The following ARL6IP4 variants were observed in gnomAD, a reference collection of about 807,000 sequenced individuals.
ARL6IP4 encodes ADP-ribosylation factor-like protein 6-interacting protein 4.
ARL6IP4 carries 24 observed loss-of-function variants against 28.1 expected under a neutral mutation model. That is an observed-to-expected ratio of 0.86 (90% CI 0.62 to 1.20). ARL6IP4 has a LOEUF of 1.20. ARL6IP4 is among the 50% of genes most tolerant of loss of function. The pLI, the probability that ARL6IP4 is intolerant of heterozygous loss-of-function variation, is 0.00. For synonymous variants in ARL6IP4, 162 were observed against 122.3 expected (o/e 1.32, Z -2.14); for missense variants, 343 against 302.4 (o/e 1.13, Z -1.00).
chr12:122,981,770 G>A lies in ARL6IP4; in HGVS notation c.360G>A (p.Lys120=). Residue 120 remains lysine, a synonymous_variant, in exon 3 of 6, where the codon AAG becomes AAA. Transcript: ENST00000315580. ...KRRKKKKKRK[K]LKKKGKEKAE... Reference sequence around the variant, plus strand: ...GGAAGAAGAAGAAGAAGAGGAAGAAGCTGAAGAAGAAGGGCAAGGAGAAGG... The same window carrying A: ...GGAAGAAGAAGAAGAAGAGGAAGAAACTGAAGAAGAAGGGCAAGGAGAAGG... 1.3e-6 allele frequency: 2 copies of A among 1,571,040 alleles called. No individual in the cohort carries two copies. Among genetic ancestry groups the A allele is most frequent in the South Asian group, 1.2e-5 (1 of 86,178 alleles).
rs1047062854 is a variant in ARL6IP4 at position 122,982,828 on chromosome 12, G to A, written c.*152G>A. 1.1e-4 allele frequency: 90 copies of A among 792,700 alleles called. 1 individual carries two copies. The Admixed American group carries it at 1.7e-3, about 15-fold the overall frequency. 49.1% of individuals were successfully genotyped at this position (792,700 alleles called of 1,614,324 possible). On this transcript the variant is annotated 3_prime_UTR_variant, in exon 6 of 6. Transcript: ENST00000315580. Reference sequence around the variant, plus strand: ...CAGTCTCTTCTCAGGGGCAGGGGGTGGAGGTTGGGGTCACCGGCCTGCTTG... The same window carrying A: ...CAGTCTCTTCTCAGGGGCAGGGGGTAGAGGTTGGGGTCACCGGCCTGCTTG...
rs142407960 is a variant in ARL6IP4 at position 122,982,623 on chromosome 12, G to A, written c.661G>A (p.Ala221Thr). The change falls in exon 6 of 6, where the codon GCC becomes ACC. Residue 221 changes from alanine to threonine, a missense_variant. Coordinates refer to ENST00000315580, the MANE Select transcript of ARL6IP4 (RefSeq NM_018694.4). The stretch of plus-strand genomic sequence containing the variant: ...TCCTGTGTGCTTTCTTCCCCAGCAA[G>A]CCACCCGAGGGGACTGCCTGGCCTT... ...KERHREINKQ[A>T]TRGDCLAFQM... The A allele has an allele frequency of 1.6e-5, 26 of 1,613,990 alleles. No homozygotes were observed. The highest frequency in any genetic ancestry group is 1.1e-4 in the East Asian group (5 of 44,900).
rs970120981 is a variant in ARL6IP4, at chr12:122,982,231, G to C, written c.587+157G>C. 8.8e-6 allele frequency: 8 copies of C among 907,572 alleles called. No individual in the cohort carries two copies. In the South Asian group the frequency reaches 1.2e-4, roughly 14 times the overall value. The allele number at this position is 907,572 out of a possible 1,614,324, so 56.2% of individuals were successfully genotyped here. On this transcript the variant is annotated intron_variant, in intron 4 of 5. Coordinates refer to ENST00000315580, the MANE Select transcript of ARL6IP4 (RefSeq NM_018694.4). ...TCACTTGGAGTAAGTAGTTGCAGGG[G>C]CTGGAAGGGCCTGGAGGAGGCTCTT...
upstream of ARL6IP4, chr12:122,980,434 G>A (rs780369261): frequency 3.7e-6 from 5 of 1,362,706 alleles, no homozygotes; most frequent in Middle Eastern, 2.5e-4. Context: ...GCGCGCGAGG[G>A]TCGCCTTCTT....
Position 122,981,131 on chromosome 12 carries a change from C to T in ARL6IP4, c.-9C>T, listed in dbSNP as rs1383139920. The T allele has an allele frequency of 5.2e-6, 8 of 1,547,626 alleles. No individual in the cohort carries two copies. The highest frequency in any genetic ancestry group is 1.4e-5 in the African/African-American group (1 of 72,732). On this transcript the variant is annotated splice_region_variant and 5_prime_UTR_variant, in exon 2 of 6. Coordinates refer to ENST00000315580, the MANE Select transcript of ARL6IP4 (RefSeq NM_018694.4). ...AAGCGCGTCTTCTTCGTCGCCAGCC[C>T]GCGGCGCCATGGCTCACGTCGGCTC... is the stretch of plus-strand genomic sequence containing the variant.
At chr12:122,981,369 G>T in intron 2 of ARL6IP4, 70 bp downstream of exon 2, 1 of 1,489,868 alleles carries the variant, frequency 6.7e-7, no homozygotes, top group Non-Finnish European at 9.0e-7. Flanking sequence ...GCAGTGGTCG[G>T]GGACGCTCAG....
At position 122,982,517 on chromosome 12, in the gene ARL6IP4, A is replaced by T; in HGVS notation, c.636A>T (p.Glu212Asp). 1 of 1,613,994 alleles carries T rather than the reference A, an allele frequency of 6.2e-7. No individual in the cohort carries two copies. Among genetic ancestry groups the T allele is most frequent in the South Asian group, 1.1e-5 (1 of 91,074 alleles). The change falls in exon 5 of 6, where the codon GAA becomes GAT. Residue 212 changes from glutamate (E) to aspartate (D), a missense_variant. Glu to Asp is a conservative substitution (Grantham distance 45). Coordinates refer to ENST00000315580, the MANE Select transcript of ARL6IP4 (RefSeq NM_018694.4). Reference protein sequence around the residue: ...GEVLEEIVTKERHREINKQAT... With the variant: ...GEVLEEIVTKDRHREINKQAT... ...TCCTAGAGGAAATCGTAACCAAAGA[A>T]CGACACAGAGAGATCAACAAGGTGG... is the stretch of plus-strand genomic sequence containing the variant.
intron 1 of ARL6IP4, 186 bp downstream of exon 1, chr12:122,980,931 A>AG: frequency 7.3e-7 from 1 of 1,378,484 alleles, no homozygotes; most frequent in Non-Finnish European, 9.3e-7. Flanking sequence ...GGCCCTTAAC[A>AG]GGCACCGCTG....
intron 1 of ARL6IP4, 156 bp from the exon 2 acceptor site, chr12:122,980,973 T>C (rs1056414021): frequency 3.9e-5 from 53 of 1,365,712 alleles, no homozygotes; most frequent in Non-Finnish European, 4.3e-5. Flanking sequence ...AAAACCGGGG[T>C]CCCCAGCGCT....
chr12:122,980,327 T>C, upstream of ARL6IP4: 2 of 1,301,404 alleles, frequency 1.5e-6, no homozygotes, highest in Non-Finnish European at 1.9e-6. Context: ...TTGCGACCTC[T>C]GAGTCACTGG....
chr12:122,981,905 G>C (rs1386890996), intron 3 of ARL6IP4, 26 bp downstream of exon 3: 4 of 1,613,504 alleles, frequency 2.5e-6, no homozygotes, highest in Non-Finnish European at 3.4e-6. Context: ...GCACCTGAGA[G>C]GGAGAAGGTC....
Position 122,982,719 on chromosome 12 carries a change from A to T in ARL6IP4, c.*43A>T. ...GGCCTGTGGACGACGCTGGCGGCCC[A>T]GCCTGGGCAGGTTTCAGGGTGCCAG... On this transcript the variant is annotated 3_prime_UTR_variant, in exon 6 of 6. Coordinates refer to ENST00000315580, the MANE Select transcript of ARL6IP4 (RefSeq NM_018694.4). 1 of 1,594,492 alleles carries T rather than the reference A, an allele frequency of 6.3e-7. No homozygotes were observed. Among genetic ancestry groups the T allele is most frequent in the Non-Finnish European group, 8.6e-7 (1 of 1,166,040 alleles).
chr12:122,980,575 CG>C, upstream of ARL6IP4: 1 of 1,373,482 alleles, frequency 7.3e-7, no homozygotes, highest in Non-Finnish European at 9.4e-7. Flanking sequence ...CTTGCCTCTG[CG>C]GGAGGTGGGC....
In ARL6IP4 at chr12:122,982,608, T is replaced by G. The variant is rs1277044478; in HGVS notation, c.658-12T>G. Reference sequence around the variant, plus strand: ...GTGATGTACCCCTCCTCCTGTGTGCTTTCTTCCCCAGCAAGCCACCCGAGG... The same window carrying G: ...GTGATGTACCCCTCCTCCTGTGTGCGTTCTTCCCCAGCAAGCCACCCGAGG... On this transcript the variant is annotated splice_polypyrimidine_tract_variant and intron_variant, in intron 5 of 5. Coordinates refer to ENST00000315580, the MANE Select transcript of ARL6IP4 (RefSeq NM_018694.4). The G allele has an allele frequency of 1.2e-6, 2 of 1,614,182 alleles. No homozygotes were observed. Among genetic ancestry groups the G allele is most frequent in the South Asian group, 2.2e-5 (2 of 91,088 alleles).
At chr12:122,980,536 G>T (rs1375845164), upstream of ARL6IP4, 22 of 1,361,038 alleles carry the variant, frequency 1.6e-5, no homozygotes, top group Non-Finnish European at 2.1e-5. Flanking sequence ...GGCGTGAGGG[G>T]CTGCGGAGCT....
intron 2 of ARL6IP4, 129 bp from the exon 3 acceptor site, chr12:122,981,442 G>T: frequency 2.2e-6 from 3 of 1,384,170 alleles, no homozygotes; most frequent in East Asian, 2.5e-5. Context: ...CCAGGAAGGG[G>T]CTCCTCTGGG....
At chr12:122,980,643 A>C (rs2037599952), upstream of ARL6IP4, 1 of 1,396,666 alleles carries the variant, frequency 7.2e-7, no homozygotes, top group African/African-American at 1.5e-5. Context: ...CGCGCTTCCC[A>C]GCCGGCCAGC....
In ARL6IP4 at chr12:122,982,524, A is replaced by G. The variant is rs2037736405; in HGVS notation, c.643A>G (p.Arg215Gly). Residue 215 changes from arginine to glycine, a missense_variant, in exon 5 of 6, where the codon AGA (arginine) becomes GGA (glycine). Physicochemically the swap from Arg to Gly is moderately radical, Grantham distance 125 (BLOSUM62 -2). Transcript: ENST00000315580. Reference sequence around the variant, plus strand: ...GGAAATCGTAACCAAAGAACGACACAGAGAGATCAACAAGGTGGGTGTGGC... The same window carrying G: ...GGAAATCGTAACCAAAGAACGACACGGAGAGATCAACAAGGTGGGTGTGGC... ...LEEIVTKERH[R>G]EINKQATRGD... 6.2e-7 allele frequency: 1 copy of G among 1,614,132 alleles called. No individual in the cohort carries two copies. Among genetic ancestry groups the G allele is most frequent in the Non-Finnish European group, 8.5e-7 (1 of 1,180,002 alleles).
In ARL6IP4 at chr12:122,981,601, G is replaced by A. The variant is rs768771219; in HGVS notation, c.191G>A (p.Ser64Asn). The A allele has an allele frequency of 1.3e-6, 2 of 1,559,450 alleles. No homozygotes were observed. The highest frequency in any genetic ancestry group is 1.2e-5 in the South Asian group (1 of 85,690). ...CCTTCTCCCTGCATCACAGAGAGAA[G>A]CAAGCAGAAGGCCCGGAGGAGAACA... ...ASPSPCITERSKQKARRRTRS... is the reference protein window; with the variant it reads ...ASPSPCITERNKQKARRRTRS... The change falls in exon 3 of 6, where the codon AGC becomes AAC. Residue 64 changes from serine (S) to asparagine (N), a missense_variant. Ser to Asn is a conservative substitution (Grantham distance 46, BLOSUM62 1). Transcript: ENST00000315580.
Sources: allele counts gnomAD v4.1 joint callset, GRCh38; gene constraint gnomAD v4.1.1; transcripts MANE v1.5; gene names NCBI Gene and HGNC (gene_info 2026-07-23, HGNC 2026-07-21).